Variants in PAK3 observed in about 807,000 individuals in gnomAD.
PAK3 encodes serine/threonine-protein kinase PAK 3.
Under a neutral mutation model 41.0 loss-of-function variants are expected in PAK3, and 4 were observed. The ratio of observed to expected loss-of-function variants is 0.10; its 90% confidence interval spans 0.05 to 0.22. The LOEUF (loss-of-function observed/expected upper bound fraction) is 0.22. PAK3 is among the 10% of genes least tolerant of loss of function. The pLI is 1.00. For synonymous variants in PAK3, 146 were observed against 139.6 expected (o/e 1.05, Z -0.32); for missense variants, 205 against 409.9 (o/e 0.50, Z 4.32).
Position 111,133,163 on chromosome X carries a change from C to T in PAK3, c.176-8933C>T, listed in dbSNP as rs369170040. Among the ~76,000 whole-genome samples the T allele has an allele frequency of 6.3e-5, 7 of 111,739 alleles. No homozygotes were observed. The East Asian group carries it at 1.7e-3, about 27-fold the overall frequency. On this transcript the variant is annotated intron_variant, in intron 5 of 17. Coordinates refer to ENST00000372007, the MANE Select transcript of PAK3 (RefSeq NM_002578.5). ...TCAGCATATTTTGTATTACTACCTC[C>T]GATTTCATCTTTCTTCCCTTCCTGA...
intron 1 of PAK3, among the ~76,000 whole-genome samples, chrX:110,959,263 G>C (rs2148608957): frequency 8.9e-6 from 1 of 111,854 alleles, no homozygotes; most frequent in South Asian, 3.8e-4. Flanking sequence ...CCTCCCAAAA[G>C]GGTCTATTCA....
chrX:111,076,319 G>A (rs1384294130), intron 1 of PAK3, among the ~76,000 whole-genome samples: 1 of 111,891 alleles, frequency 8.9e-6, no homozygotes, highest in Non-Finnish European at 1.9e-5. Context: ...CCTGTTGGGA[G>A]GTGACTGAAT....
At position 111,194,370 on chromosome X, in the gene PAK3, C is replaced by T; in HGVS notation, c.1062C>T (p.Val354=). 1 of 1,177,863 alleles carries T rather than the reference C, an allele frequency of 8.5e-7. No individual in the cohort carries two copies. Among genetic ancestry groups the T allele is most frequent in the Non-Finnish European group, 1.2e-6 (1 of 865,000 alleles). Residue 354 remains valine (V), a synonymous_variant, in exon 14 of 18, where the codon GTC becomes GTT. Coordinates refer to ENST00000372007, the MANE Select transcript of PAK3 (RefSeq NM_002578.5). The part of the protein sequence containing the change: ...YLAGGSLTDV[V]TETCMDEGQI... ...CTGGTGGCTCTCTGACTGATGTGGT[C>T]ACAGAGACCTGTATGGATGAAGGAC...
At position 110,959,422 on chromosome X, in the gene PAK3, G is replaced by A. The variant is rs769853360; in HGVS notation, c.-28+14794G>A. 5.4e-5 allele frequency among the ~76,000 whole-genome samples: 6 copies of A among 111,096 alleles called. No individual in the cohort carries two copies. In the South Asian group the frequency reaches 1.2e-3, roughly 21 times the overall value. ...TCTTTACACTCTATCCTCTTTCTCG[G>A]GCTTTCCGTCTGTATCCTTTGAGAT... is the stretch of plus-strand genomic sequence containing the variant. On this transcript the variant is annotated intron_variant, in intron 1 of 14. Coordinates refer to the PAK3 transcript ENST00000425146.
chrX:111,209,958 AC>A (rs886867021), intron 16 of PAK3, among the ~76,000 whole-genome samples: 6 of 111,900 alleles, frequency 5.4e-5, no homozygotes, highest in African/African-American at 1.9e-4. Context: ...AAACTTGGTA[AC>A]CTAGTTTTCT....
intron 17 of PAK3, among the ~76,000 whole-genome samples, chrX:111,219,236 A>AATAATG (rs1240693532): frequency 9.8e-6 from 1 of 102,200 alleles, no homozygotes; most frequent in East Asian, 2.9e-4. Flanking sequence ...TAATAATAAT[A>AATAATG]AGCAAGAGAT....
In PAK3 at chrX:110,976,516, G is replaced by C. The variant is rs757306755; in HGVS notation, c.-28+31888G>C. 2.4e-4 allele frequency among the ~76,000 whole-genome samples: 27 copies of C among 112,314 alleles called. No homozygotes were observed. In the South Asian group the frequency reaches 0.01, roughly 42 times the overall value. On this transcript the variant is annotated intron_variant, in intron 1 of 14. Transcript: ENST00000425146. ...ACACTTTTACACTGTTGGTGAGAGT[G>C]TAAATTAGTTCAACCATTGTGGAAG...
At chrX:111,108,154 G>A (rs1342739806) in intron 4 of PAK3, among the ~76,000 whole-genome samples, 2 of 112,013 alleles carry the variant, frequency 1.8e-5, no homozygotes, top group African/African-American at 3.2e-5. Context: ...AGGTCTTGAC[G>A]GTTCATAAGT....
At chrX:111,094,650 G>A (rs2092955363), upstream of PAK3, among the ~76,000 whole-genome samples, 1 of 104,635 alleles carries the variant, frequency 9.6e-6, no homozygotes, top group Admixed American at 1.0e-4. Context: ...TCAACTGCCT[G>A]AGATGTTTTG....
chrX:110,946,574 A>G, intron 1 of PAK3, among the ~76,000 whole-genome samples: 1 of 112,413 alleles, frequency 8.9e-6, no homozygotes, highest in Non-Finnish European at 1.9e-5. Context: ...GTTAATTAAC[A>G]CTGCCTCTCT....
chrX:110,953,745 CCTAGCTCCCTGGGACTGGTTTCTG>C (rs2090793699), intron 1 of PAK3, among the ~76,000 whole-genome samples: 1 of 111,760 alleles, frequency 8.9e-6, no homozygotes, highest in South Asian at 3.8e-4. Context: ...TGGCTTTTGG[CCTAGCTCCCTGGGACTGGTTTCTG>C]CAGAGGTGAA....
chrX:110,945,934 A>G (rs997151322), intron 1 of PAK3, among the ~76,000 whole-genome samples: 3 of 112,141 alleles, frequency 2.7e-5, no homozygotes, highest in Non-Finnish European at 3.8e-5. Context: ...CATTTTTTGC[A>G]TACCTGCTAT....
intron 1 of PAK3, among the ~76,000 whole-genome samples, chrX:110,980,717 T>G (rs1240922037): frequency 2.7e-5 from 3 of 111,990 alleles, no homozygotes; most frequent in Non-Finnish European, 3.8e-5. Flanking sequence ...TGGACAGCCA[T>G]GTAGAAATAT....
intron 1 of PAK3, among the ~76,000 whole-genome samples, chrX:111,052,172 C>T: frequency 8.9e-6 from 1 of 112,115 alleles, no homozygotes; most frequent in Non-Finnish European, 1.9e-5. Flanking sequence ...CAGCTTCTCC[C>T]ACCATCTCCA....
At chrX:111,197,162 A>G (rs1188772561) in intron 16 of PAK3, among the ~76,000 whole-genome samples, 2 of 111,275 alleles carry the variant, frequency 1.8e-5, no homozygotes, top group African/African-American at 6.5e-5. Flanking sequence ...CCCACTTACG[A>G]GTGAACATGC....
In PAK3 at chrX:110,959,179, C is replaced by G. The variant is rs191091563; in HGVS notation, c.-28+14551C>G. ...AGGTCAGGATTGGCAGAGCAGAAGA[C>G]TAGAAGTAGCCTAAAAGCCTGAGTT... On this transcript the variant is annotated intron_variant, in intron 1 of 14. Transcript: ENST00000425146. Among the ~76,000 whole-genome samples, 456 of 111,768 alleles carry G rather than the reference C, an allele frequency of 4.1e-3. 5 individuals carry two copies. The highest frequency in any genetic ancestry group is 7.2e-3 in the Non-Finnish European group (380 of 53,118).
chrX:111,194,690 A>G (rs368426740), intron 14 of PAK3, among the ~76,000 whole-genome samples: 5 of 112,240 alleles, frequency 4.5e-5, no homozygotes, highest in African/African-American at 1.6e-4. Context: ...CACATGCTGT[A>G]GTTTCCGTGA....
At chrX:110,977,727 T>A (rs2148648685) in intron 1 of PAK3, among the ~76,000 whole-genome samples, 1 of 112,303 alleles carries the variant, frequency 8.9e-6, no homozygotes, top group African/African-American at 3.2e-5. Context: ...ACAAATAAAA[T>A]TGATATTTTG....
intron 11 of PAK3, among the ~76,000 whole-genome samples, chrX:111,178,980 T>TATATAGAGAGAGAGAGAGAG (rs1211051270): frequency 1.3e-4 from 12 of 91,593 alleles, no homozygotes; most frequent in South Asian, 1.2e-3. Context: ...TATATATATA[T>TATATAGAGAGAGAGAGAGAG]AGAGAGAGAG....
Sources: gnomAD v4.1 joint callset for allele counts (sites outside exome capture counted in the v4.1 genomes callset) on GRCh38, gnomAD v4.1.1 for gene constraint, MANE v1.5 for transcripts, NCBI Gene and HGNC (gene_info 2026-07-23, HGNC 2026-07-21) for gene names.